The following PCDHGA2 variants were observed in gnomAD, a reference collection of about 807,000 sequenced individuals.
PCDHGA2 encodes protocadherin gamma-A2.
PCDHGA2 carries 40 observed loss-of-function variants against 59.2 expected under a neutral mutation model. The ratio of observed to expected loss-of-function variants is 0.68; its 90% CI spans 0.52 to 0.88. The LOEUF is 0.88. PCDHGA2 is among the 40% of genes least tolerant of loss of function. The pLI, the probability that PCDHGA2 is intolerant of heterozygous loss-of-function variation, is 0.00. For missense variants in PCDHGA2, 1,226 were observed against 1,204.0 expected (o/e 1.02, Z -0.27); for synonymous variants, 560 against 526.0 (o/e 1.06, Z -0.89).
intron 1 of PCDHGA2, chr5:141,375,357 C>A: frequency 6.2e-7 from 1 of 1,613,858 alleles, no homozygotes; most frequent in Non-Finnish European, 8.5e-7. Context: ...GTGACAGCCA[C>A]GGACAAAGGA....
In PCDHGA2 at chr5:141,371,800, C is replaced by T. The variant is rs770172046; in HGVS notation, c.2424+30405C>T. On this transcript the variant is annotated intron_variant, in intron 1 of 3. Transcript: ENST00000394576. ...GTAGCTGAGAACAATCCGCCTGGAGCCTCCATTGCGCATGTCAGAGCCTCG... is the reference window on the plus strand; with the variant it reads ...GTAGCTGAGAACAATCCGCCTGGAGTCTCCATTGCGCATGTCAGAGCCTCG... 3.7e-6 allele frequency: 6 copies of T among 1,613,760 alleles called. No individual in the cohort carries two copies. In the Admixed American group the frequency reaches 1.0e-4, roughly 27 times the overall value.
At chr5:141,407,013 C>T (rs550387003) in intron 1 of PCDHGA2, among the ~76,000 whole-genome samples, 28 of 152,216 alleles carry the variant, frequency 1.8e-4, no homozygotes, top group Middle Eastern at 6.8e-3. Context: ...TTGAAGTTGA[C>T]TCAAAATTCT....
At chr5:141,351,753 T>C (rs1489735945) in intron 1 of PCDHGA2, 1 of 1,613,482 alleles carries the variant, frequency 6.2e-7, no homozygotes. Flanking sequence ...CGGGAGCTGT[T>C]GTCCTACGTG....
At position 141,463,796 on chromosome 5, in the gene PCDHGA2, G is replaced by A. The variant is rs139760353; in HGVS notation, c.2425-31011G>A. ...ATCCTGCACTGTCTTTTGAACAAAT[G>A]TCTAAAAGCTTTTATCACACATTTT... On this transcript the variant is annotated intron_variant, in intron 1 of 3. Coordinates refer to ENST00000394576, the MANE Select transcript of PCDHGA2 (RefSeq NM_018915.4). Among the ~76,000 whole-genome samples, 155 of 152,232 alleles carry A rather than the reference G, an allele frequency of 1.0e-3. 1 individual carries two copies. The highest frequency in any genetic ancestry group is 3.4e-3 in the African/African-American group (140 of 41,538).
chr5:141,358,345 G>A (rs568438184), intron 1 of PCDHGA2, among the ~76,000 whole-genome samples: 110 of 152,320 alleles, frequency 7.2e-4, no homozygotes, highest in African/African-American at 2.5e-3. Flanking sequence ...GATCTGGACT[G>A]AGGGTTTTTT....
intron 1 of PCDHGA2, chr5:141,382,742 A>G: frequency 1.7e-6 from 1 of 585,144 alleles, no homozygotes; most frequent in Non-Finnish European, 2.9e-6. Flanking sequence ...GAGAAACGAC[A>G]GATTGCGATA....
intron 1 of PCDHGA2, chr5:141,399,900 C>A (rs752796935): frequency 6.2e-7 from 1 of 1,612,532 alleles, no homozygotes; most frequent in African/African-American, 1.3e-5. Flanking sequence ...TGGCCGTGGA[C>A]GCAGACTCAG....
intron 1 of PCDHGA2, among the ~76,000 whole-genome samples, chr5:141,457,755 A>G (rs1011599369): frequency 2.0e-5 from 3 of 152,226 alleles, no homozygotes; most frequent in African/African-American, 4.8e-5. Flanking sequence ...GAGCCCAGAC[A>G]TGGGTTTGTA....
At chr5:141,425,624 G>T (rs1007643604) in intron 1 of PCDHGA2, among the ~76,000 whole-genome samples, 1 of 152,184 alleles carries the variant, frequency 6.6e-6, no homozygotes, top group African/African-American at 2.4e-5. Flanking sequence ...TGCTCCTCCA[G>T]TTTTCTCTGA....
chr5:141,458,463 C>T (rs749353395), intron 1 of PCDHGA2, among the ~76,000 whole-genome samples: 15 of 151,844 alleles, frequency 9.9e-5, no homozygotes, highest in Admixed American at 8.5e-4. Flanking sequence ...TTTAAAATAC[C>T]GTACAACTGC....
At chr5:141,341,779 C>T in intron 1 of PCDHGA2, 1 of 345,028 alleles carries the variant, frequency 2.9e-6, no homozygotes, top group Non-Finnish European at 5.2e-6. Context: ...CAAGTCCTTT[C>T]TTCTTTTAAG....
At chr5:141,384,440 T>C (rs766102464) in intron 1 of PCDHGA2, 6 of 1,614,046 alleles carry the variant, frequency 3.7e-6, no homozygotes, top group Non-Finnish European at 4.2e-6. Context: ...ACTGGAGTCC[T>C]GTACGCGCTG....
In PCDHGA2 at chr5:141,491,225, T is replaced by G. The variant is rs764111440; in HGVS notation, c.2425-3582T>G. The stretch of plus-strand genomic sequence containing the variant: ...CCTTCACTCTCCTCCACAGCCACAG[T>G]GCTGCTGGTTCTGGAGGATGAGGAC... On this transcript the variant is annotated intron_variant, in intron 1 of 3. Transcript: ENST00000394576. This position sits in a 1 kb window ranked among gnomAD's most constrained non-coding sequence, Gnocchi z 6.9. 6.2e-7 allele frequency: 1 copy of G among 1,614,232 alleles called. No individual in the cohort carries two copies. Among genetic ancestry groups the G allele is most frequent in the Non-Finnish European group, 8.5e-7 (1 of 1,180,028 alleles).
rs1474849292 is a variant in PCDHGA2 at position 141,454,205 on chromosome 5, G to T, written c.2425-40602G>T. Among the ~76,000 whole-genome samples, 3 of 152,154 alleles carry T rather than the reference G, an allele frequency of 2.0e-5. No individual in the cohort carries two copies. The East Asian group carries it at 5.8e-4, about 29-fold the overall frequency. ...GGAGCTTAGTGAAGGTGAATTTATT[G>T]ACATGAATGAGAAAAGTAATTGTGA... On this transcript the variant is annotated intron_variant, in intron 1 of 3. Coordinates refer to ENST00000394576, the MANE Select transcript of PCDHGA2 (RefSeq NM_018915.4).
intron 1 of PCDHGA2, chr5:141,345,321 C>T: frequency 6.2e-7 from 1 of 1,613,972 alleles, no homozygotes; most frequent in South Asian, 1.1e-5. Flanking sequence ...TGGGGGAAGC[C>T]CGCCACTGTC....
chr5:141,505,270 G>C, intron 2 of PCDHGA2, 123 bp from the exon 3 acceptor site: 1 of 1,520,726 alleles, frequency 6.6e-7, no homozygotes, highest in African/African-American at 1.4e-5. Context: ...CTTGCTGAGA[G>C]AAACAGGTCT....
At chr5:141,380,386 G>A (rs1776453740) in intron 1 of PCDHGA2, among the ~76,000 whole-genome samples, 1 of 152,168 alleles carries the variant, frequency 6.6e-6, no homozygotes. Flanking sequence ...AAAAAGAAAA[G>A]AGAGAAGATA....
intron 2 of PCDHGA2, among the ~76,000 whole-genome samples, chr5:141,504,960 T>C (rs9324851): frequency 0.59 from 89,328 of 151,916 alleles, 27,885 homozygotes; most frequent in African/African-American, 0.8. Context: ...TTCAATGCAT[T>C]GGACCAGCCT....
At chr5:141,464,580 G>A (rs1459502164) in intron 1 of PCDHGA2, among the ~76,000 whole-genome samples, 1 of 152,118 alleles carries the variant, frequency 6.6e-6, no homozygotes, top group East Asian at 1.9e-4. Context: ...AGATGAGAAT[G>A]TCCATTGTCC....
Sources: gnomAD v4.1 joint callset for allele counts (sites outside exome capture counted in the v4.1 genomes callset) on GRCh38, gnomAD v4.1.1 for gene constraint, Gnocchi (gnomAD v3.1) non-coding constraint, MANE v1.5 for transcripts, NCBI Gene and HGNC (gene_info 2026-07-23, HGNC 2026-07-21) for gene names.